LRRC4C: variants seen among roughly 807,000 people sequenced by gnomAD.
LRRC4C encodes leucine-rich repeat-containing protein 4C.
LRRC4C carries 5 observed loss-of-function variants against 33.6 expected under a neutral mutation model. That is an observed-to-expected ratio of 0.15 (90% CI 0.08 to 0.31). The LOEUF is 0.31. LRRC4C is among the 10% of genes least tolerant of loss of function. The pLI is 1.00. For missense variants in LRRC4C, 560 were observed against 796.7 expected (o/e 0.70, Z 3.58); for synonymous variants, 329 against 302.0 (o/e 1.09, Z -0.93).
At chr11:40,377,077 C>A (rs1177479755) in intron 3 of LRRC4C, among the ~76,000 whole-genome samples, 1 of 151,986 alleles carries the variant, frequency 6.6e-6, no homozygotes, top group African/African-American at 2.4e-5. Context: ...ATAAATAGCA[C>A]AGCATGAGAG....
intron 3 of LRRC4C, among the ~76,000 whole-genome samples, chr11:40,509,717 A>G: frequency 6.6e-6 from 1 of 152,160 alleles, no homozygotes; most frequent in East Asian, 1.9e-4. Flanking sequence ...ATTAAATAAA[A>G]CTTTATCGTG....
chr11:40,814,484 G>T (rs1286284321), intron 2 of LRRC4C, among the ~76,000 whole-genome samples: 1 of 151,928 alleles, frequency 6.6e-6, no homozygotes, highest in Non-Finnish European at 1.5e-5. Context: ...TGATGGGAGG[G>T]GCTGCTGCAA....
At chr11:41,124,412 T>C (rs1479297527) in intron 1 of LRRC4C, among the ~76,000 whole-genome samples, 2 of 152,224 alleles carry the variant, frequency 1.3e-5, no homozygotes, top group African/African-American at 4.8e-5. Flanking sequence ...AGAATTCTGT[T>C]ATGAATGTTC....
intron 2 of LRRC4C, among the ~76,000 whole-genome samples, chr11:40,833,335 T>C (rs1952504341): frequency 6.6e-6 from 1 of 152,128 alleles, no homozygotes; most frequent in South Asian, 2.1e-4. Flanking sequence ...GTATGAGACA[T>C]TGATAAAATG....
rs184664954 is a variant in LRRC4C, at chr11:40,134,950, C to A, written c.-43+5851G>T. On this transcript the variant is annotated intron_variant, in intron 6 of 6. Coordinates refer to ENST00000528697, the MANE Select transcript of LRRC4C (RefSeq NM_001258419.2). ...CCCACAAAAACCTGATAAGGAAACT[C>A]TCTTTAATTGAGTCTGTGTTTATGA... is the stretch of plus-strand genomic sequence containing the variant. Among the ~76,000 whole-genome samples the A allele has an allele frequency of 1.7e-3, 265 of 152,184 alleles. 1 individual carries two copies. The highest frequency in any genetic ancestry group is 4.6e-4 in the Non-Finnish European group (31 of 68,008).
intron 1 of LRRC4C, among the ~76,000 whole-genome samples, chr11:41,054,302 G>C (rs369421559): frequency 2.0e-5 from 3 of 152,058 alleles, no homozygotes; most frequent in East Asian, 3.9e-4. Context: ...AATTCAAACC[G>C]GTGAACGTTC....
chr11:41,143,838 T>G (rs1472386904), intron 1 of LRRC4C, among the ~76,000 whole-genome samples: 1 of 152,176 alleles, frequency 6.6e-6, no homozygotes, highest in Non-Finnish European at 1.5e-5. Flanking sequence ...AAGACTGCTT[T>G]TTGTACTTGA....
At chr11:41,325,674 AAACAAC>A (rs142699257) in intron 1 of LRRC4C, among the ~76,000 whole-genome samples, 20 of 150,496 alleles carry the variant, frequency 1.3e-4, no homozygotes, top group African/African-American at 3.9e-4. Context: ...TTCACTGCAA[AAACAAC>A]AACAACAACA....
chr11:40,880,165 A>AG (rs1955098022), intron 2 of LRRC4C, among the ~76,000 whole-genome samples: 1 of 152,084 alleles, frequency 6.6e-6, no homozygotes, highest in Non-Finnish European at 1.5e-5. Flanking sequence ...CAGACCTGAG[A>AG]GGGGGGAAGA....
intron 2 of LRRC4C, among the ~76,000 whole-genome samples, chr11:40,689,759 T>C (rs1311342740): frequency 1.3e-5 from 2 of 152,108 alleles, no homozygotes; most frequent in Non-Finnish European, 2.9e-5. Context: ...TCTATTATTG[T>C]GGAGTTTGTA....
At chr11:41,134,473 T>A (rs1179421932) in intron 1 of LRRC4C, among the ~76,000 whole-genome samples, 1 of 152,176 alleles carries the variant, frequency 6.6e-6, no homozygotes, top group African/African-American at 2.4e-5. Context: ...ATCCTAGGAA[T>A]CTCCTCATTG....
chr11:41,110,906 T>A (rs1206597274), intron 1 of LRRC4C, among the ~76,000 whole-genome samples: 1 of 152,068 alleles, frequency 6.6e-6, no homozygotes, highest in South Asian at 2.1e-4. Context: ...CCTGGAGATC[T>A]TGTTAACACA....
At chr11:40,781,206 G>C (rs576192305) in intron 2 of LRRC4C, among the ~76,000 whole-genome samples, 1 of 152,042 alleles carries the variant, frequency 6.6e-6, no homozygotes, top group East Asian at 1.9e-4. Flanking sequence ...ACATAGAAAA[G>C]GTACAGTAAA....
intron 2 of LRRC4C, among the ~76,000 whole-genome samples, chr11:40,753,832 A>C (rs1189184227): frequency 2.0e-5 from 3 of 152,002 alleles, no homozygotes; most frequent in East Asian, 3.9e-4. Context: ...GTATATGAAA[A>C]AATTCTTATC....
At chr11:41,414,727 CA>C (rs972462889) in intron 1 of LRRC4C, among the ~76,000 whole-genome samples, 1 of 151,878 alleles carries the variant, frequency 6.6e-6, no homozygotes, top group African/African-American at 2.4e-5. Flanking sequence ...AATTCTTCCT[CA>C]ACTCGAGAAA....
At chr11:40,329,741 T>TC (rs1243146694) in intron 3 of LRRC4C, among the ~76,000 whole-genome samples, 128 of 117,240 alleles carry the variant, frequency 1.1e-3, no homozygotes, top group African/African-American at 3.5e-3. Flanking sequence ...CTTTTTCTTT[T>TC]TTTTTTTTTT....
intron 1 of LRRC4C, among the ~76,000 whole-genome samples, chr11:41,162,642 T>C (rs1349253844): frequency 2.0e-5 from 3 of 152,204 alleles, no homozygotes; most frequent in Non-Finnish European, 1.5e-5. Context: ...CAATTATTTG[T>C]GTACCTAAAA....
At chr11:40,378,016 T>G (rs1948726094) in intron 3 of LRRC4C, among the ~76,000 whole-genome samples, 1 of 151,952 alleles carries the variant, frequency 6.6e-6, no homozygotes, top group African/African-American at 2.4e-5. Context: ...TCTGATGGAG[T>G]TGTTTAGACT....
chr11:41,370,706 C>G (rs908120250), intron 1 of LRRC4C, among the ~76,000 whole-genome samples: 1 of 152,096 alleles, frequency 6.6e-6, no homozygotes, highest in Non-Finnish European at 1.5e-5. Context: ...ATATATCCAG[C>G]TAATTTTTAA....
Sources: gnomAD v4.1 joint callset for allele counts (sites outside exome capture counted in the v4.1 genomes callset) on GRCh38, gnomAD v4.1.1 for gene constraint, MANE v1.5 for transcripts, NCBI Gene and HGNC (gene_info 2026-07-23, HGNC 2026-07-21) for gene names.